PSORS1C1: variants seen among roughly 807,000 people sequenced by gnomAD.
The protein encoded by PSORS1C1 is psoriasis susceptibility 1 candidate 1.
A neutral mutation model predicts 9.4 loss-of-function variants in PSORS1C1; 7 were observed. That is an observed-to-expected ratio of 0.75 (90% CI 0.42 to 1.40). The LOEUF is 1.40. Ranked by LOEUF, PSORS1C1 falls within the 40% of genes most tolerant of loss-of-function variation. PSORS1C1 has a pLI of 0.01. For synonymous variants in PSORS1C1, 63 were observed against 69.4 expected, an observed-to-expected ratio of 0.91 and a Z score of 0.46; for missense variants, 146 against 178.1, an observed-to-expected ratio of 0.82 and a Z score of 1.02.
intron 4 of PSORS1C1, 81 bp downstream of exon 4, chr6:31,138,540 C>G: frequency 2.5e-6 from 4 of 1,606,802 alleles, no homozygotes; most frequent in Non-Finnish European, 3.4e-6. Context: ...ACTTGACCCA[C>G]TTTAAACTGA....
intron 1 of PSORS1C1, chr6:31,116,017 T>G (rs778097936): frequency 1.3e-6 from 2 of 1,555,756 alleles, no homozygotes; most frequent in African/African-American, 3.6e-5. Context: ...CACACAACAG[T>G]TGACTTCTTA....
chr6:31,132,122 C>A (rs1326251339), intron 3 of PSORS1C1, among the ~76,000 whole-genome samples: 1 of 152,174 alleles, frequency 6.6e-6, no homozygotes, highest in African/African-American at 2.4e-5. Context: ...CGCCTGTGAT[C>A]CAGCTACTTG....
chr6:31,116,094 C>T (rs1236940986), intron 1 of PSORS1C1: 2 of 1,611,992 alleles, frequency 1.2e-6, no homozygotes. Context: ...GCCCCAGAGG[C>T]TTCACTTGGG....
At chr6:31,136,610 C>T (rs1219511143) in intron 3 of PSORS1C1, among the ~76,000 whole-genome samples, 35 of 152,250 alleles carry the variant, frequency 2.3e-4, no homozygotes, top group Non-Finnish European at 1.5e-5. Flanking sequence ...GCATATACCA[C>T]TAGGGGTATC....
chr6:31,137,371 G>T (rs375000544), intron 3 of PSORS1C1, among the ~76,000 whole-genome samples: 66 of 144,032 alleles, frequency 4.6e-4, no homozygotes, highest in Middle Eastern at 4.3e-3. Flanking sequence ...GCAGAATAGC[G>T]TGAACCCGGG....
chr6:31,122,534 G>A (rs9501500), intron 1 of PSORS1C1, among the ~76,000 whole-genome samples: 3,854 of 152,264 alleles, frequency 0.025, 125 homozygotes, highest in African/African-American at 0.074. Context: ...CCAGCACTAT[G>A]GGAGGCCGAT....
At chr6:31,138,353 C>A in intron 3 of PSORS1C1, 77 bp from the exon 4 acceptor site, 1 of 1,597,570 alleles carries the variant, frequency 6.3e-7, no homozygotes. Flanking sequence ...GGGCTTCTCT[C>A]CCCAGCCCCA....
intron 1 of PSORS1C1, among the ~76,000 whole-genome samples, chr6:31,124,293 G>A (rs911878918): frequency 2.0e-5 from 3 of 152,124 alleles, no homozygotes; most frequent in African/African-American, 7.2e-5. Context: ...CCATAAAGAG[G>A]AGGCTTGGGG....
chr6:31,124,016 G>A (rs1772572429), intron 1 of PSORS1C1, among the ~76,000 whole-genome samples: 1 of 152,184 alleles, frequency 6.6e-6, no homozygotes, highest in South Asian at 2.1e-4. Flanking sequence ...ACCAGCGGAT[G>A]GCGTGGGTTG....
At position 31,139,994 on chromosome 6, in the gene PSORS1C1, G is replaced by A; in HGVS notation, c.*62G>A. The stretch of plus-strand genomic sequence containing the variant: ...GACCTTTCTGCCTGGAAGTCTGTTA[G>A]CCTTTCAGAAGTAACATGTCCAAAA... On this transcript the variant is annotated 3_prime_UTR_variant, in exon 6 of 6. Transcript: ENST00000259881. The surrounding 1 kb of genome is among the most constrained non-coding windows in gnomAD (Gnocchi z 5.2). 6.7e-7 allele frequency: 1 copy of A among 1,490,634 alleles called. No homozygotes were observed. Among genetic ancestry groups the A allele is most frequent in the Non-Finnish European group, 9.2e-7 (1 of 1,083,296 alleles). 92.3% of individuals were successfully genotyped at this position (1,490,634 alleles called of 1,614,324 possible).
At chr6:31,136,917 G>A (rs1308596996) in intron 3 of PSORS1C1, among the ~76,000 whole-genome samples, 4 of 150,118 alleles carry the variant, frequency 2.7e-5, no homozygotes, top group South Asian at 2.1e-4. Context: ...TTGGGAGGCC[G>A]AGGTGGGCAG....
intron 1 of PSORS1C1, chr6:31,118,843 C>CTTCTTT (rs750733706): frequency 5.8e-5 from 7 of 120,760 alleles, no homozygotes; most frequent in African/African-American, 2.2e-4. Context: ...TCTTCTTCTT[C>CTTCTTT]TTTTTTTTTT....
chr6:31,117,614 C>T, intron 1 of PSORS1C1: 1 of 1,162,746 alleles, frequency 8.6e-7, no homozygotes, highest in East Asian at 2.6e-5. Context: ...TCATCGGCCT[C>T]TCGGGTTTCT....
At position 31,139,387 on chromosome 6, in the gene PSORS1C1, G is replaced by A. The variant is rs1773332314; in HGVS notation, c.168-254G>A. ...CCTTCATCCCTTGCAACTATTGGAAGCCAAAGAATGGGAGCAAACCACGCG... is the reference window on the plus strand; with the variant it reads ...CCTTCATCCCTTGCAACTATTGGAAACCAAAGAATGGGAGCAAACCACGCG... On this transcript the variant is annotated intron_variant, in intron 5 of 5. Coordinates refer to ENST00000259881, the MANE Select transcript of PSORS1C1 (RefSeq NM_014068.3). The surrounding 1 kb of genome is among the most constrained non-coding windows in gnomAD (Gnocchi z 5.2). 1.7e-6 allele frequency: 1 copy of A among 591,452 alleles called. No individual in the cohort carries two copies. Among genetic ancestry groups the A allele is most frequent in the Non-Finnish European group, 3.0e-6 (1 of 331,964 alleles). The allele number at this position is 591,452 out of a possible 1,614,324, so 36.6% of individuals were successfully genotyped here.
chr6:31,129,292 T>C (rs905294633), intron 2 of PSORS1C1, among the ~76,000 whole-genome samples: 1 of 152,224 alleles, frequency 6.6e-6, no homozygotes, highest in Admixed American at 6.5e-5. Context: ...TGTGTTGACA[T>C]AGACGTGACG....
Position 31,132,572 on chromosome 6 carries a change from G to A in PSORS1C1, c.13+2927G>A, listed in dbSNP as rs1453446892. On this transcript the variant is annotated intron_variant, in intron 3 of 5. Coordinates refer to ENST00000259881, the MANE Select transcript of PSORS1C1 (RefSeq NM_014068.3). ...AATAAATAAAAGTAATGAGGGGACT[G>A]GGCATGATGGCTCACACCTGTAATC... Among the ~76,000 whole-genome samples the A allele has an allele frequency of 2.0e-5, 3 of 150,764 alleles. No individual in the cohort carries two copies. The East Asian group carries it at 5.9e-4, about 30-fold the overall frequency.
At chr6:31,127,310 G>A (rs1442061790) in intron 2 of PSORS1C1, among the ~76,000 whole-genome samples, 2 of 152,084 alleles carry the variant, frequency 1.3e-5, no homozygotes, top group Admixed American at 6.6e-5. Flanking sequence ...CCTCACAGGA[G>A]GGAGCTTCTC....
chr6:31,119,664 T>C (rs3095322), intron 1 of PSORS1C1, among the ~76,000 whole-genome samples: 115,166 of 152,064 alleles, frequency 0.76, 43,944 homozygotes, highest in South Asian at 0.83. Context: ...CTTGGGAGGC[T>C]GAGGCGAGCG....
chr6:31,131,220 T>C (rs1249143725), intron 3 of PSORS1C1, among the ~76,000 whole-genome samples: 2 of 152,186 alleles, frequency 1.3e-5, no homozygotes, highest in African/African-American at 4.8e-5. Context: ...TTAAATAATT[T>C]AGCCTTTCAC....
Sources: allele counts gnomAD v4.1 joint callset (sites outside exome capture counted in the v4.1 genomes callset), GRCh38; gene constraint gnomAD v4.1.1; non-coding constraint Gnocchi (gnomAD v3.1); transcripts MANE v1.5; gene names NCBI Gene and HGNC (gene_info 2026-07-23, HGNC 2026-07-21).